TAPT1: variants seen among roughly 807,000 people sequenced by gnomAD.
TAPT1 encodes the protein transmembrane anterior posterior transformation 1.
A neutral mutation model predicts 65.6 loss-of-function variants in TAPT1; 28 were observed. The observed-to-expected ratio is 0.43, with a 90% confidence interval of 0.32 to 0.59. TAPT1 has a LOEUF of 0.59. Among genes scored for constraint, TAPT1 ranks in the 20% least tolerant of loss-of-function variants. The probability of loss-of-function intolerance (pLI) is 0.09; values close to 1 mark genes in which losing one functional copy is unlikely to be tolerated. For missense variants in TAPT1, 563 were observed against 679.9 expected (o/e 0.83, Z 1.91); for synonymous variants, 278 against 245.2 (o/e 1.13, Z -1.25).
intron 3 of TAPT1, among the ~76,000 whole-genome samples, chr4:16,195,996 C>T (rs576295601): frequency 1.3e-5 from 2 of 152,210 alleles, no homozygotes; most frequent in South Asian, 2.1e-4. Flanking sequence ...CTAGATCTCT[C>T]GCTCTCTCTC....
At chr4:16,226,100 T>A (rs1390168358) in intron 1 of TAPT1, 159 bp downstream of exon 1, 9 of 1,021,566 alleles carry the variant, frequency 8.8e-6, no homozygotes, top group Non-Finnish European at 1.1e-5. Context: ...CCGCGGAGCC[T>A]CGGCAGCCTC....
intron 10 of TAPT1, 58 bp downstream of exon 10, chr4:16,174,612 A>G: frequency 7.2e-7 from 1 of 1,383,356 alleles, no homozygotes; most frequent in Non-Finnish European, 9.9e-7. Flanking sequence ...ATCATTATTC[A>G]GTTAATTTCA....
intron 2 of TAPT1, among the ~76,000 whole-genome samples, chr4:16,210,147 C>T (rs897201670): frequency 6.6e-6 from 1 of 152,068 alleles, no homozygotes; most frequent in African/African-American, 2.4e-5. Context: ...TCAGCTTTAC[C>T]CCCAGACAGC....
At chr4:16,220,747 C>CAAA (rs1265447676) in intron 1 of TAPT1, among the ~76,000 whole-genome samples, 2 of 102,568 alleles carry the variant, frequency 1.9e-5, no homozygotes, top group African/African-American at 3.5e-5. Context: ...GACTCTATCT[C>CAAA]AAAAAAAAAA....
At chr4:16,226,921 G>C (rs1244146552), upstream of TAPT1, 1 of 383,278 alleles carries the variant, frequency 2.6e-6, no homozygotes, top group Admixed American at 3.3e-5. Context: ...GGTCCGCTCA[G>C]GGCCTCTTTT....
chr4:16,176,238 G>A lies in TAPT1; in HGVS notation c.998-10C>T. The A allele has an allele frequency of 7.1e-7, 1 of 1,404,180 alleles. No homozygotes were observed. Among genetic ancestry groups the A allele is most frequent in the Non-Finnish European group, 9.7e-7 (1 of 1,035,014 alleles). The allele number at this position is 1,404,180 out of a possible 1,614,324, so 87.0% of individuals were successfully genotyped here. A position where few individuals can be genotyped will look rare whatever the true frequency, so the allele number is the denominator to read the frequency against. On this transcript the variant is annotated splice_polypyrimidine_tract_variant and intron_variant, in intron 8 of 13. Transcript: ENST00000405303. ...AACACCCAGAGATGATCTGTAAATA[G>A]AAAAAAGAAAAACAACGAAATATCT...
chr4:16,206,430 C>T (rs962542825), intron 2 of TAPT1, among the ~76,000 whole-genome samples: 2 of 152,210 alleles, frequency 1.3e-5, no homozygotes, highest in Non-Finnish European at 2.9e-5. Flanking sequence ...TTGCTTGCTA[C>T]AGACAGGGCT....
intron 2 of TAPT1, among the ~76,000 whole-genome samples, chr4:16,212,132 C>T (rs1198018427): frequency 1.3e-5 from 2 of 152,200 alleles, no homozygotes; most frequent in African/African-American, 2.4e-5. Context: ...GAGACAGATA[C>T]CAACCCACTT....
At chr4:16,178,318 T>C (rs1036940033) in intron 8 of TAPT1, among the ~76,000 whole-genome samples, 11 of 152,228 alleles carry the variant, frequency 7.2e-5, no homozygotes, top group Non-Finnish European at 1.5e-4. Flanking sequence ...TCTGAAAATG[T>C]ATCTCCAAGA....
chr4:16,191,281 G>GT (rs1560169275), intron 4 of TAPT1, 80 bp downstream of exon 4: 3 of 1,406,534 alleles, frequency 2.1e-6, no homozygotes, highest in Admixed American at 4.8e-5. Context: ...GAGCATTCTT[G>GT]ACTCTCAGGT....
intron 3 of TAPT1, among the ~76,000 whole-genome samples, chr4:16,201,424 AATT>A (rs1750023506): frequency 6.6e-6 from 1 of 152,222 alleles, no homozygotes; most frequent in Admixed American, 6.5e-5. Flanking sequence ...AAGTCTCACA[AATT>A]ATTGTCCATT....
Position 16,188,344 on chromosome 4 carries a change from A to T in TAPT1, c.624T>A (p.Arg208=). Residue 208 remains arginine (R), a synonymous_variant, in exon 5 of 14, where the codon CGT becomes CGA. Coordinates refer to ENST00000405303, the MANE Select transcript of TAPT1 (RefSeq NM_153365.3). ...IIYNMLEVAD[R]LFSSFGQDIL... ...TGTCTTGTCCAAAAGATGAAAACAGACGATCAGCTACCTAAAAAAAAAAAT... is the reference window on the plus strand; with the variant it reads ...TGTCTTGTCCAAAAGATGAAAACAGTCGATCAGCTACCTAAAAAAAAAAAT... The T allele has an allele frequency of 6.3e-7, 1 of 1,578,694 alleles. No homozygotes were observed. The highest frequency in any genetic ancestry group is 1.2e-5 in the South Asian group (1 of 83,072).
chr4:16,202,390 T>A, intron 3 of TAPT1, 72 bp downstream of exon 3: 1 of 970,788 alleles, frequency 1.0e-6, no homozygotes, highest in South Asian at 1.5e-5. Context: ...TTATCCTTAC[T>A]CTGCAACCAC....
chr4:16,194,711 G>A lies in TAPT1; in HGVS notation c.450-3188C>T, dbSNP rs1275260400. On this transcript the variant is annotated intron_variant, in intron 3 of 13. Transcript: ENST00000405303. ...ACACATATTGAATTCACTGCTTTCT[G>A]TGCACCCCCTGCTCTGGTGGAAGCG... 2.0e-5 allele frequency among the ~76,000 whole-genome samples: 3 copies of A among 151,966 alleles called. No individual in the cohort carries two copies. The East Asian group carries it at 5.8e-4, about 29-fold the overall frequency.
chr4:16,172,284 C>T (rs1320851248), intron 11 of TAPT1, among the ~76,000 whole-genome samples: 1 of 151,830 alleles, frequency 6.6e-6, no homozygotes, highest in East Asian at 1.9e-4. Context: ...TGACAAGTTA[C>T]TAGACAAATA....
intron 2 of TAPT1, among the ~76,000 whole-genome samples, chr4:16,211,731 ACTTATT>A (rs1333744876): frequency 3.9e-5 from 6 of 152,316 alleles, no homozygotes; most frequent in Admixed American, 1.3e-4. Context: ...ATGAAACAAT[ACTTATT>A]CTTAGTATAG....
intron 1 of TAPT1, among the ~76,000 whole-genome samples, chr4:16,221,304 T>G (rs1751242598): frequency 6.6e-6 from 1 of 151,890 alleles, no homozygotes; most frequent in Non-Finnish European, 1.5e-5. Flanking sequence ...TTTTTGTATT[T>G]TAGTAGAGAC....
chr4:16,226,494 C>T (rs1317958860), upstream of TAPT1: 6 of 1,035,858 alleles, frequency 5.8e-6, no homozygotes, highest in Non-Finnish European at 7.0e-6. Flanking sequence ...CCGCCTCCCT[C>T]CAGCCTCTGC....
intron 12 of TAPT1, 44 bp downstream of exon 12, chr4:16,170,608 TA>T (rs1227022612): frequency 7.0e-7 from 1 of 1,434,256 alleles, no homozygotes; most frequent in South Asian, 1.2e-5. Context: ...ATCTTGCATT[TA>T]TGCTTTACTG....
Sources: allele counts gnomAD v4.1 joint callset (sites outside exome capture counted in the v4.1 genomes callset), GRCh38; gene constraint gnomAD v4.1.1; transcripts MANE v1.5; gene names NCBI Gene and HGNC (gene_info 2026-07-23, HGNC 2026-07-21).